The following UBE4B variants were observed in gnomAD, a reference collection of about 807,000 sequenced individuals.
UBE4B encodes the protein ubiquitin conjugation factor E4 B.
In UBE4B, 27 loss-of-function variants were observed where a neutral mutation model predicts 148.1. That is an observed-to-expected ratio of 0.18 (90% CI 0.13 to 0.25). The LOEUF (loss-of-function observed/expected upper bound fraction) is 0.25. UBE4B is among the 10% of genes least tolerant of loss of function. UBE4B has a pLI of 1.00. For missense variants in UBE4B, 1,170 were observed against 1,662.4 expected (o/e 0.70, Z 5.15); for synonymous variants, 596 against 619.3 (o/e 0.96, Z 0.56).
At chr1:10,096,444 A>G (rs1226269050) in intron 3 of UBE4B, among the ~76,000 whole-genome samples, 1 of 152,018 alleles carries the variant, frequency 6.6e-6, no homozygotes, top group African/African-American at 2.4e-5. Flanking sequence ...TGAAGAGGGG[A>G]ATTAAGTCCG....
intron 1 of UBE4B, among the ~76,000 whole-genome samples, chr1:10,037,635 G>A (rs1643590885): frequency 1.3e-5 from 2 of 152,078 alleles, no homozygotes; most frequent in South Asian, 4.1e-4. Context: ...TTGGCTCACT[G>A]CAACCTCTGC....
chr1:10,155,242 G>A (rs928706576), intron 21 of UBE4B, among the ~76,000 whole-genome samples: 2 of 152,132 alleles, frequency 1.3e-5, no homozygotes, highest in Non-Finnish European at 2.9e-5. Flanking sequence ...TCTTTGCCAT[G>A]TGTGCCCTCT....
Position 10,072,062 on chromosome 1 carries a change from G to A in UBE4B, c.59G>A (p.Gly20Glu). Residue 20 changes from glycine to glutamate, a missense_variant, in exon 2 of 28, where the codon GGA (glycine) becomes GAA (glutamate). This residue lies in a region of UBE4B where 127 missense variants were observed against 153.2 expected (regional missense o/e 0.83). Coordinates refer to ENST00000343090, the MANE Select transcript of UBE4B (RefSeq NM_001105562.3). ...AGGCGCCTTGCACGACTTGCTGGTG[G>A]ACAGACCTCTCAGCCAACCACCCCA... Reference protein sequence around the residue: ...RRRRLARLAGGQTSQPTTPLT... With the variant: ...RRRRLARLAGEQTSQPTTPLT... 1 of 1,610,040 alleles carries A rather than the reference G, an allele frequency of 6.2e-7. No individual in the cohort carries two copies. The highest frequency in any genetic ancestry group is 8.5e-7 in the Non-Finnish European group (1 of 1,178,502).
At chr1:10,063,031 G>C (rs1644317675) in intron 1 of UBE4B, among the ~76,000 whole-genome samples, 2 of 151,656 alleles carry the variant, frequency 1.3e-5, no homozygotes, top group Admixed American at 1.3e-4. Context: ...ACTTTGGGAG[G>C]CCAAGGCAGG....
Position 10,178,077 on chromosome 1 carries a change from C to G in UBE4B, c.3526-567C>G, listed in dbSNP as rs74845825. Among the ~76,000 whole-genome samples, 1,043 of 152,194 alleles carry G rather than the reference C, an allele frequency of 6.9e-3. 8 individuals are homozygous for G. Among genetic ancestry groups the G allele is most frequent in the Admixed American group, 0.01 (157 of 15,284 alleles). On this transcript the variant is annotated intron_variant, in intron 25 of 27. Transcript: ENST00000343090. ...CTATTCATCAGTTCACCAGGGTGGTCTAACGTCCATGGAGCCCCTGACATG... is the reference window on the plus strand; with the variant it reads ...CTATTCATCAGTTCACCAGGGTGGTGTAACGTCCATGGAGCCCCTGACATG...
rs568779352 is a variant in UBE4B, at chr1:10,036,649, T to C, written c.24+2955T>C. The stretch of plus-strand genomic sequence containing the variant: ...GGGAAAAATATCTTTGAAGTTTTTC[T>C]TTTTAATTCAATTAAAAATTTTTGA... On this transcript the variant is annotated intron_variant, in intron 1 of 27. Transcript: ENST00000343090. Among the ~76,000 whole-genome samples, 4 of 152,260 alleles carry C rather than the reference T, an allele frequency of 2.6e-5. No homozygotes were observed. The East Asian group carries it at 7.7e-4, about 29-fold the overall frequency.
At chr1:10,137,968 T>C (rs1007691154) in intron 17 of UBE4B, among the ~76,000 whole-genome samples, 1 of 139,614 alleles carries the variant, frequency 7.2e-6, no homozygotes, top group African/African-American at 2.7e-5. Flanking sequence ...GGAGTCTCGC[T>C]CTGTTGCCCA....
intron 1 of UBE4B, among the ~76,000 whole-genome samples, chr1:10,039,868 T>C (rs1643689078): frequency 6.6e-6 from 1 of 152,220 alleles, no homozygotes; most frequent in Admixed American, 6.6e-5. Context: ...GAGGCTGTTG[T>C]TGCTGTATAG....
At chr1:10,063,658 A>C (rs1178475261) in intron 1 of UBE4B, among the ~76,000 whole-genome samples, 1 of 152,078 alleles carries the variant, frequency 6.6e-6, no homozygotes, top group Non-Finnish European at 1.5e-5. Context: ...TAATTCCAAC[A>C]CTTTGGGAGG....
intron 1 of UBE4B, among the ~76,000 whole-genome samples, chr1:10,044,899 A>G (rs1312409185): frequency 7.3e-5 from 11 of 150,604 alleles, no homozygotes; most frequent in Non-Finnish European, 1.6e-4. Flanking sequence ...CTTTATTTCT[A>G]TTATTATTAT....
chr1:10,070,188 C>T (rs919070984), intron 1 of UBE4B, among the ~76,000 whole-genome samples: 26 of 151,504 alleles, frequency 1.7e-4, no homozygotes, highest in Middle Eastern at 6.8e-3. Context: ...ACAGGAGAAT[C>T]GCATGAACCT....
rs996840022 is a variant in UBE4B, at chr1:10,161,785, G to A, written c.3198+499G>A. On this transcript the variant is annotated intron_variant, in intron 23 of 27. Coordinates refer to ENST00000343090, the MANE Select transcript of UBE4B (RefSeq NM_001105562.3). This position sits in a 1 kb window ranked among gnomAD's most constrained non-coding sequence, Gnocchi z 4.1. The stretch of plus-strand genomic sequence containing the variant: ...GCTTGCCAGGTTCCATGGAAAGCAC[G>A]TGCCGTGCCAGTACCAGTGCTCTTT... 1.3e-5 allele frequency among the ~76,000 whole-genome samples: 2 copies of A among 152,104 alleles called. No individual in the cohort carries two copies. The highest frequency in any genetic ancestry group is 6.5e-5 in the Admixed American group (1 of 15,270).
chr1:10,053,461 A>C (rs1335400050), intron 1 of UBE4B, among the ~76,000 whole-genome samples: 2 of 140,056 alleles, frequency 1.4e-5, no homozygotes, highest in Non-Finnish European at 3.1e-5. Flanking sequence ...TTTATTTTTT[A>C]TTTAATTTTT....
At chr1:10,117,435 A>C (rs1645330619) in intron 7 of UBE4B, 24 bp from the exon 8 acceptor site, 1 of 1,605,530 alleles carries the variant, frequency 6.2e-7, no homozygotes, top group Non-Finnish European at 8.5e-7. Context: ...TAAGAATCAG[A>C]ATTTCTTCTT....
chr1:10,126,893 T>G lies in UBE4B; in HGVS notation c.1638+16T>G. 1 of 1,603,578 alleles carries G rather than the reference T, an allele frequency of 6.2e-7. No homozygotes were observed. Among genetic ancestry groups the G allele is most frequent in the Non-Finnish European group, 8.5e-7 (1 of 1,170,956 alleles). ...CCCCCTCATGGTAAAACTTTGTTCT[T>G]TTTCTTTAACTCATTCAATAGATGT... On this transcript the variant is annotated intron_variant, in intron 11 of 27. Coordinates refer to ENST00000343090, the MANE Select transcript of UBE4B (RefSeq NM_001105562.3).
rs750260003 is a variant in UBE4B at position 10,168,891 on chromosome 1, CAA to C, written c.3333+636_3333+637del. Among the ~76,000 whole-genome samples the C allele has an allele frequency of 3.4e-4, 21 of 61,604 alleles. No individual in the cohort carries two copies. Among genetic ancestry groups the C allele is most frequent in the Middle Eastern group, 0.01 (1 of 96 alleles). 40.4% of individuals were successfully genotyped at this position (61,604 alleles called of 152,430 possible). On this transcript the variant is annotated intron_variant, in intron 24 of 27. Transcript: ENST00000343090. The surrounding 1 kb of genome is among the most constrained non-coding windows in gnomAD (Gnocchi z 4.9). Reference sequence around the variant, plus strand: ...TGGGCGACAGAGTGAGACTCCATCTCAAAAAAAAAAAAAAAAGAAGAAGAAAA... The same window carrying C: ...TGGGCGACAGAGTGAGACTCCATCTCAAAAAAAAAAAAAAGAAGAAGAAAA...
intron 19 of UBE4B, 151 bp from the exon 20 acceptor site, chr1:10,149,033 G>A (rs1645928414): frequency 5.7e-6 from 3 of 525,246 alleles, no homozygotes; most frequent in Non-Finnish European, 9.9e-6. Context: ...ATTTCTGGTT[G>A]TAGTTTCTTT....
At chr1:10,147,191 A>G in intron 19 of UBE4B, 101 bp downstream of exon 19, 1 of 1,553,722 alleles carries the variant, frequency 6.4e-7, no homozygotes, top group Admixed American at 1.8e-5. Context: ...CCCTTTCTTT[A>G]TCAAGAATTC....
At chr1:10,178,490 A>T (rs955180727) in intron 25 of UBE4B, among the ~76,000 whole-genome samples, 154 bp from the exon 26 acceptor site, 2 of 152,148 alleles carry the variant, frequency 1.3e-5, no homozygotes, top group African/African-American at 4.8e-5. Context: ...ATGCATAAAG[A>T]CGGATATATA....
Sources: allele counts gnomAD v4.1 joint callset (sites outside exome capture counted in the v4.1 genomes callset), GRCh38; gene constraint gnomAD v4.1.1; regional missense constraint gnomAD v4.1.1; non-coding constraint Gnocchi (gnomAD v3.1); transcripts MANE v1.5; gene names NCBI Gene and HGNC (gene_info 2026-07-23, HGNC 2026-07-21).